TMEM128: variants seen among roughly 807,000 people sequenced by gnomAD.
TMEM128 encodes the protein transmembrane protein 128.
Under a neutral mutation model 19.7 loss-of-function variants are expected in TMEM128, and 16 were observed. That is an observed-to-expected ratio of 0.81 (90% CI 0.55 to 1.23). The LOEUF (loss-of-function observed/expected upper bound fraction) is 1.23. TMEM128 is among the 50% of genes most tolerant of loss of function. TMEM128 has a pLI of 0.00. For synonymous variants in TMEM128, 98 were observed against 75.8 expected (o/e 1.29, Z -1.52); for missense variants, 237 against 200.8 (o/e 1.18, Z -1.09).
chr4:4,245,004 G>A (rs895958677), intron 2 of TMEM128, among the ~76,000 whole-genome samples: 5 of 151,848 alleles, frequency 3.3e-5, no homozygotes, highest in East Asian at 1.9e-4. Context: ...AGTCTCCTCC[G>A]CCAGAAGTCA....
intron 4 of TMEM128, 30 bp downstream of exon 4, chr4:4,237,797 T>C (rs1560216905): frequency 1.3e-6 from 2 of 1,504,292 alleles, no homozygotes; most frequent in Admixed American, 1.7e-5. Flanking sequence ...AACGAGTTCA[T>C]TTTTAGAAAA....
chr4:4,248,103 C>T lies in TMEM128; in HGVS notation c.97+3G>A. 6.5e-7 allele frequency: 1 copy of T among 1,535,732 alleles called. No individual in the cohort carries two copies. The highest frequency in any genetic ancestry group is 2.5e-5 in the East Asian group (1 of 40,472). ...CCTCGGGGCGGCTTGGTGCGCGCCT[C>T]ACCCGGCCCGGCGTCACCCTCGCGG... On this transcript the variant is annotated splice_donor_region_variant and intron_variant, in intron 1 of 4. Transcript: ENST00000382753.
At chr4:4,242,523 A>AT (rs373516862) in intron 2 of TMEM128, among the ~76,000 whole-genome samples, 74 of 148,856 alleles carry the variant, frequency 5.0e-4, no homozygotes, top group South Asian at 1.3e-3. Flanking sequence ...GAAAAAAAAA[A>AT]TTTTTTTTTT....
At chr4:4,240,513 CA>C in intron 2 of TMEM128, 34 bp from the exon 3 acceptor site, 1 of 1,593,946 alleles carries the variant, frequency 6.3e-7, no homozygotes, top group Non-Finnish European at 8.5e-7. Flanking sequence ...GGTCTGACAG[CA>C]CTTAATGAAT....
intron 2 of TMEM128, among the ~76,000 whole-genome samples, chr4:4,242,822 G>A (rs1168704428): frequency 6.6e-6 from 1 of 151,810 alleles, no homozygotes; most frequent in Non-Finnish European, 1.5e-5. Context: ...CCCGGCCTAA[G>A]AAAATTTTTT....
intron 3 of TMEM128, among the ~76,000 whole-genome samples, chr4:4,239,583 A>G (rs1441538944): frequency 6.6e-6 from 1 of 152,254 alleles, no homozygotes; most frequent in African/African-American, 2.4e-5. Context: ...AAATGTGTTC[A>G]CTGTGCTACA....
intron 2 of TMEM128, among the ~76,000 whole-genome samples, chr4:4,240,800 G>T (rs13146382): frequency 6.6e-6 from 1 of 152,140 alleles, no homozygotes; most frequent in African/African-American, 2.4e-5. Flanking sequence ...GGAAGAGGCC[G>T]GGCGCAGTGG....
intron 1 of TMEM128, chr4:4,247,860 T>G (rs933467038): frequency 3.3e-5 from 47 of 1,428,424 alleles, no homozygotes; most frequent in Admixed American, 3.0e-5. Context: ...TTAAAACTGG[T>G]GGGTATTTTT....
chr4:4,248,210 C>G lies in TMEM128; in HGVS notation c.-8G>C. 6.7e-7 allele frequency: 1 copy of G among 1,498,652 alleles called. No homozygotes were observed. Among genetic ancestry groups the G allele is most frequent in the Non-Finnish European group, 8.9e-7 (1 of 1,121,120 alleles). 92.8% of individuals were successfully genotyped at this position (1,498,652 alleles called of 1,614,324 possible). A position where few individuals can be genotyped will look rare whatever the true frequency, so the allele number is the denominator to read the frequency against. On this transcript the variant is annotated 5_prime_UTR_variant, in exon 1 of 5. Coordinates refer to ENST00000382753, the MANE Select transcript of TMEM128 (RefSeq NM_001297551.2). ...GGCCCGCGAGGAGTCCATCTTGGTACCGCCCCGAAATGCGACGGAAGTGAC... is the reference window on the plus strand; with the variant it reads ...GGCCCGCGAGGAGTCCATCTTGGTAGCGCCCCGAAATGCGACGGAAGTGAC...
At chr4:4,248,042 G>C in intron 1 of TMEM128, 64 bp downstream of exon 1, 2 of 1,526,092 alleles carry the variant, frequency 1.3e-6, no homozygotes, top group Non-Finnish European at 1.8e-6. Context: ...AGGGCTGCCG[G>C]AGGCCGGCCG....
Position 4,248,180 on chromosome 4 carries a change from T to A in TMEM128, c.23A>T (p.Gln8Leu). 6.5e-7 allele frequency: 1 copy of A among 1,530,996 alleles called. No homozygotes were observed. Among genetic ancestry groups the A allele is most frequent in the Non-Finnish European group, 8.8e-7 (1 of 1,139,760 alleles). 94.8% of individuals were successfully genotyped at this position (1,530,996 alleles called of 1,614,324 possible). A position where few individuals can be genotyped will look rare whatever the true frequency, so the allele number is the denominator to read the frequency against. The change falls in exon 1 of 5, where the codon CAG (glutamine) becomes CTG (leucine). Residue 8 changes from glutamine (Q) to leucine (L), a missense_variant. Physicochemically the swap from Gln to Leu is moderately radical, Grantham distance 113. Coordinates refer to ENST00000382753, the MANE Select transcript of TMEM128 (RefSeq NM_001297551.2). MDSSRAR[Q>L]QLRRRFLLLP... ...GAGGAGGAATCGCCGCCGGAGCTGC[T>A]GCCGGGCCCGCGAGGAGTCCATCTT...
At position 4,241,134 on chromosome 4, in the gene TMEM128, T is replaced by C. The variant is rs1332527950; in HGVS notation, c.240-655A>G. 3.3e-5 allele frequency among the ~76,000 whole-genome samples: 5 copies of C among 152,316 alleles called. No individual in the cohort carries two copies. The East Asian group carries it at 9.6e-4, about 29-fold the overall frequency. On this transcript the variant is annotated intron_variant, in intron 2 of 4. Transcript: ENST00000382753. Reference sequence around the variant, plus strand: ...AAAAATACAAGGAAGATAGTGGCTTTCTGGTTGTTTCTGAAGTTTTGAGTG... The same window carrying C: ...AAAAATACAAGGAAGATAGTGGCTTCCTGGTTGTTTCTGAAGTTTTGAGTG...
intron 2 of TMEM128, among the ~76,000 whole-genome samples, chr4:4,244,301 C>A (rs948771575): frequency 1.1e-4 from 17 of 151,976 alleles, no homozygotes; most frequent in Non-Finnish European, 1.9e-4. Flanking sequence ...CATGAAGAGA[C>A]CTCGTCTCTA....
At chr4:4,240,526 G>C in intron 2 of TMEM128, 47 bp from the exon 3 acceptor site, 1 of 1,570,080 alleles carries the variant, frequency 6.4e-7, no homozygotes, top group Non-Finnish European at 8.6e-7. Flanking sequence ...TTAATGAATC[G>C]TCACATATCT....
chr4:4,244,338 A>G (rs1718084429), intron 2 of TMEM128, among the ~76,000 whole-genome samples: 1 of 152,044 alleles, frequency 6.6e-6, no homozygotes, highest in South Asian at 2.1e-4. Flanking sequence ...TTAGCCAGGC[A>G]TGGTGGTGTG....
At chr4:4,244,510 T>A (rs1718090457) in intron 2 of TMEM128, among the ~76,000 whole-genome samples, 1 of 152,096 alleles carries the variant, frequency 6.6e-6, no homozygotes, top group South Asian at 2.1e-4. Flanking sequence ...TATCCATCCC[T>A]CTTTTCCCAG....
At chr4:4,247,759 T>C in intron 1 of TMEM128, 1 of 1,516,444 alleles carries the variant, frequency 6.6e-7, no homozygotes. Context: ...ATATTTCCAG[T>C]AATTCGCTAT....
chr4:4,237,529 C>T (rs996428173), intron 4 of TMEM128, among the ~76,000 whole-genome samples: 3 of 152,144 alleles, frequency 2.0e-5, no homozygotes, highest in African/African-American at 7.2e-5. Flanking sequence ...ATAATACCAG[C>T]TACTTGGGAA....
intron 2 of TMEM128, among the ~76,000 whole-genome samples, chr4:4,243,171 C>T (rs1485127773): frequency 6.6e-6 from 1 of 152,214 alleles, no homozygotes; most frequent in African/African-American, 2.4e-5. Flanking sequence ...TCTCCACCTG[C>T]TGGGTTCACG....
Sources: gnomAD v4.1 joint callset for allele counts (sites outside exome capture counted in the v4.1 genomes callset) on GRCh38, gnomAD v4.1.1 for gene constraint, MANE v1.5 for transcripts, NCBI Gene and HGNC (gene_info 2026-07-23, HGNC 2026-07-21) for gene names.